Variants in PDE1C observed in about 807,000 individuals in gnomAD.
PDE1C encodes the protein dual specificity calcium/calmodulin-dependent 3',5'-cyclic nucleotide phosphodiesterase 1C.
Under a neutral mutation model 93.1 loss-of-function variants are expected in PDE1C, and 62 were observed. That is an observed-to-expected ratio of 0.67 (90% confidence interval 0.54 to 0.82). PDE1C has a LOEUF of 0.82. PDE1C is among the 40% of genes least tolerant of loss of function. The pLI is 0.00. For missense variants in PDE1C, 742 were observed against 884.6 expected, an observed-to-expected ratio of 0.84 and a Z score of 2.04; for synonymous variants, 325 against 310.1, an observed-to-expected ratio of 1.05 and a Z score of -0.50.
At chr7:31,918,473 T>C (rs1802206470) in intron 2 of PDE1C, among the ~76,000 whole-genome samples, 1 of 152,196 alleles carries the variant, frequency 6.6e-6, no homozygotes, top group Non-Finnish European at 1.5e-5. Context: ...AAGAGCTGCT[T>C]AGCTGTGCAC....
chr7:32,328,608 C>T (rs1341976271), intron 1 of PDE1C, among the ~76,000 whole-genome samples: 1 of 152,138 alleles, frequency 6.6e-6, no homozygotes, highest in Non-Finnish European at 1.5e-5. Flanking sequence ...GTGTTGTTCT[C>T]TCTGCCTGGA....
chr7:32,215,331 C>T (rs548889988), intron 1 of PDE1C, among the ~76,000 whole-genome samples: 1 of 152,280 alleles, frequency 6.6e-6, no homozygotes, highest in African/African-American at 2.4e-5. Flanking sequence ...TTCCCCCCAA[C>T]ACCCGTTTTG....
intron 17 of PDE1C, among the ~76,000 whole-genome samples, chr7:31,766,070 GA>G (rs1392718486): frequency 1.3e-5 from 2 of 152,134 alleles, no homozygotes; most frequent in Non-Finnish European, 2.9e-5. Context: ...GATATTTGTA[GA>G]TATGCAATAA....
chr7:31,889,415 G>A (rs922640179), intron 2 of PDE1C, among the ~76,000 whole-genome samples: 5 of 152,206 alleles, frequency 3.3e-5, no homozygotes, highest in African/African-American at 1.2e-4. Context: ...GGCAATGTAA[G>A]TTGTTTTTGA....
At chr7:32,189,327 A>G (rs1477375359) in intron 2 of PDE1C, among the ~76,000 whole-genome samples, 2 of 152,208 alleles carry the variant, frequency 1.3e-5, no homozygotes, top group Non-Finnish European at 1.5e-5. Context: ...CATTTTCTTC[A>G]TGGTTAGTGT....
chr7:32,243,318 G>C (rs1808680010), intron 1 of PDE1C, among the ~76,000 whole-genome samples: 1 of 152,184 alleles, frequency 6.6e-6, no homozygotes, highest in African/African-American at 2.4e-5. Context: ...TGTTTACAAG[G>C]CAGGGAGAAT....
chr7:32,423,715 G>A (rs1785478421), intron 1 of PDE1C, among the ~76,000 whole-genome samples: 2 of 150,788 alleles, frequency 1.3e-5, no homozygotes, highest in Admixed American at 1.3e-4. Flanking sequence ...AGACGTAGAT[G>A]GAAACCAAGA....
intron 1 of PDE1C, among the ~76,000 whole-genome samples, chr7:32,391,041 T>A (rs1297593698): frequency 1.3e-5 from 2 of 151,978 alleles, no homozygotes; most frequent in Non-Finnish European, 1.5e-5. Flanking sequence ...ACCCTATCAA[T>A]AATAACATTA....
chr7:31,904,424 T>C (rs1421740022), intron 2 of PDE1C, among the ~76,000 whole-genome samples: 1 of 152,094 alleles, frequency 6.6e-6, no homozygotes, highest in African/African-American at 2.4e-5. Context: ...AAACAATTGT[T>C]AATTTTGCAG....
intron 1 of PDE1C, among the ~76,000 whole-genome samples, chr7:32,226,015 G>A (rs376611520): frequency 1.3e-4 from 20 of 152,252 alleles, no homozygotes; most frequent in African/African-American, 4.3e-4. Flanking sequence ...CCAAGTTCAT[G>A]CCACTGCACT....
chr7:32,282,087 A>G (rs190627174), intron 1 of PDE1C, among the ~76,000 whole-genome samples: 1 of 151,960 alleles, frequency 6.6e-6, no homozygotes, highest in Non-Finnish European at 1.5e-5. Flanking sequence ...CAGCAAACCA[A>G]CACGGCACAT....
At chr7:31,718,817 A>G in the PDE1C span, among the ~76,000 whole-genome samples, 78 of 152,280 alleles carry the variant, frequency 5.1e-4, 1 homozygote, top group East Asian at 0.014. Flanking sequence ...AGCTGCTGCT[A>G]GGCACCCAGA....
intron 1 of PDE1C, among the ~76,000 whole-genome samples, chr7:32,354,340 G>A (rs1365335333): frequency 6.6e-6 from 1 of 152,128 alleles, no homozygotes; most frequent in African/African-American, 2.4e-5. Context: ...AACTTTAAAA[G>A]TTTGGGCCAG....
At chr7:32,416,825 C>A (rs528463921) in intron 1 of PDE1C, among the ~76,000 whole-genome samples, 1 of 152,112 alleles carries the variant, frequency 6.6e-6, no homozygotes, top group Admixed American at 6.6e-5. Flanking sequence ...TAAATCAGAA[C>A]AGGTCTATGG....
chr7:31,813,677 G>T (rs1476409554), intron 15 of PDE1C, among the ~76,000 whole-genome samples: 1 of 151,864 alleles, frequency 6.6e-6, no homozygotes, highest in Admixed American at 6.6e-5. Flanking sequence ...TATTTCCATA[G>T]GTTTTTGGGG....
intron 3 of PDE1C, among the ~76,000 whole-genome samples, chr7:32,115,477 G>A (rs1409884587): frequency 2.0e-5 from 3 of 152,062 alleles, no homozygotes; most frequent in Non-Finnish European, 4.4e-5. Flanking sequence ...GAGGGGAGGG[G>A]AGTGAGGGAG....
At chr7:31,923,510 G>T (rs1563039723) in intron 2 of PDE1C, among the ~76,000 whole-genome samples, 2 of 152,170 alleles carry the variant, frequency 1.3e-5, no homozygotes, top group Non-Finnish European at 2.9e-5. Context: ...CATGGTTAAT[G>T]ATTCTCTTAT....
chr7:32,132,088 A>T (rs1281634051), intron 3 of PDE1C, among the ~76,000 whole-genome samples: 1 of 152,118 alleles, frequency 6.6e-6, no homozygotes, highest in Non-Finnish European at 1.5e-5. Flanking sequence ...TGCTGATGAC[A>T]AGAAGGAGCC....
intron 15 of PDE1C, among the ~76,000 whole-genome samples, chr7:31,811,081 T>C (rs1391630666): frequency 6.6e-6 from 1 of 152,086 alleles, no homozygotes; most frequent in African/African-American, 2.4e-5. Flanking sequence ...ATAATTCCCA[T>C]GTGTTGTGGG....
Sources: gnomAD v4.1 joint callset for allele counts (sites outside exome capture counted in the v4.1 genomes callset) on GRCh38, gnomAD v4.1.1 for gene constraint, MANE v1.5 for transcripts, NCBI Gene and HGNC (gene_info 2026-07-23, HGNC 2026-07-21) for gene names.